The following RGS7 variants were observed in gnomAD, a reference collection of about 807,000 sequenced individuals.
RGS7 encodes regulator of G protein signaling 7.
In RGS7, 27 loss-of-function variants were observed where a neutral mutation model predicts 81.1. The observed-to-expected ratio is 0.33, with a 90% CI of 0.25 to 0.46. RGS7 has a LOEUF of 0.46. RGS7 is among the 20% of genes least tolerant of loss of function. The probability of loss-of-function intolerance (pLI) is 1.00; values close to 1 mark genes in which losing one functional copy is unlikely to be tolerated. For missense variants in RGS7, 396 were observed against 607.4 expected (o/e 0.65, Z 3.66); for synonymous variants, 208 against 207.7 (o/e 1.00, Z -0.01).
rs1299174280 is a variant in RGS7 at position 241,090,470 on chromosome 1, G to T, written c.175+8196C>A. Among the ~76,000 whole-genome samples, 7 of 152,030 alleles carry T rather than the reference G, an allele frequency of 4.6e-5. No homozygotes were observed. The South Asian group carries it at 1.5e-3, about 32-fold the overall frequency. ...AAGCGAAAATACTGTATACACAGTT[G>T]AATTTACTGGAGTTCAGAGAAAAGG... On this transcript the variant is annotated intron_variant, in intron 3 of 18. Coordinates refer to ENST00000440928, the MANE Select transcript of RGS7 (RefSeq NM_001364886.1).
chr1:240,953,402 C>T (rs1679872309), intron 4 of RGS7, among the ~76,000 whole-genome samples: 1 of 151,608 alleles, frequency 6.6e-6, no homozygotes, highest in African/African-American at 2.4e-5. Flanking sequence ...TTCTCAGATG[C>T]AAAGGAATTA....
rs1239652233 is a variant in RGS7, at chr1:241,271,925, GTGTGTGTA to G, written c.78+83766_78+83773del. Among the ~76,000 whole-genome samples, 40 of 117,728 alleles carry G rather than the reference GTGTGTGTA, an allele frequency of 3.4e-4. No homozygotes were observed. The highest frequency in any genetic ancestry group is 1.2e-3 in the African/African-American group (40 of 32,800). The allele number at this position is 117,728 out of a possible 152,430, so 77.2% of individuals were successfully genotyped here. A position where few individuals can be genotyped will look rare whatever the true frequency, so the allele number is the denominator to read the frequency against. On this transcript the variant is annotated intron_variant, in intron 2 of 18. Coordinates refer to ENST00000440928, the MANE Select transcript of RGS7 (RefSeq NM_001364886.1). This position sits in a 1 kb window ranked among gnomAD's most constrained non-coding sequence, Gnocchi z 4.6. ...TGTGTGTGTGTGTGTGTGTGTGTGT[GTGTGTGTA>G]GACACACTATTGGTTCTGTTTCTCT...
chr1:240,785,071 G>A (rs769882471), intron 18 of RGS7, among the ~76,000 whole-genome samples: 3 of 152,096 alleles, frequency 2.0e-5, no homozygotes, highest in Non-Finnish European at 2.9e-5. Context: ...CCAGGGATAG[G>A]CAGTGCTCTT....
At chr1:240,898,989 T>C (rs1386175943) in intron 6 of RGS7, among the ~76,000 whole-genome samples, 3 of 152,214 alleles carry the variant, frequency 2.0e-5, no homozygotes, top group Non-Finnish European at 2.9e-5. Context: ...CATATATATT[T>C]AGGATAGTTA....
At chr1:240,812,508 C>T (rs1033146177) in intron 13 of RGS7, among the ~76,000 whole-genome samples, 3 of 151,068 alleles carry the variant, frequency 2.0e-5, no homozygotes, top group Admixed American at 6.6e-5. Flanking sequence ...GATCTCGGCT[C>T]ACTGCAACCT....
chr1:240,798,635 C>T (rs1357085717), intron 18 of RGS7, among the ~76,000 whole-genome samples: 1 of 152,088 alleles, frequency 6.6e-6, no homozygotes, highest in Non-Finnish European at 1.5e-5. Context: ...TCCTTTGACC[C>T]TTTAAATTTC....
intron 3 of RGS7, among the ~76,000 whole-genome samples, chr1:241,087,490 A>G (rs762518323): frequency 1.3e-5 from 2 of 152,208 alleles, no homozygotes; most frequent in Non-Finnish European, 2.9e-5. Flanking sequence ...CTCTGATGTT[A>G]GATGCTCTTT....
At chr1:241,338,880 G>T (rs1314536559) in intron 2 of RGS7, among the ~76,000 whole-genome samples, 2 of 151,804 alleles carry the variant, frequency 1.3e-5, no homozygotes, top group Admixed American at 1.3e-4. Flanking sequence ...TTAGCAAATT[G>T]CCTTGCACAT....
intron 2 of RGS7, among the ~76,000 whole-genome samples, chr1:241,209,401 G>C (rs1328902367): frequency 1.3e-5 from 2 of 152,064 alleles, no homozygotes; most frequent in Non-Finnish European, 2.9e-5. Context: ...GAATGGATGG[G>C]GAGAATGTAA....
intron 9 of RGS7, among the ~76,000 whole-genome samples, chr1:240,856,613 T>C (rs1286518440): frequency 6.8e-6 from 1 of 147,912 alleles, no homozygotes; most frequent in Non-Finnish European, 1.5e-5. Context: ...TATCATATAC[T>C]TGTTTGTTTA....
chr1:241,177,183 G>A (rs2071216526), intron 2 of RGS7, among the ~76,000 whole-genome samples: 1 of 152,172 alleles, frequency 6.6e-6, no homozygotes, highest in Admixed American at 6.5e-5. Context: ...ATCAGATCAG[G>A]TCATAAAGTA....
At chr1:241,049,200 C>G (rs910412577) in intron 3 of RGS7, among the ~76,000 whole-genome samples, 1 of 152,164 alleles carries the variant, frequency 6.6e-6, no homozygotes, top group Non-Finnish European at 1.5e-5. Context: ...CAACCCATAA[C>G]ACTAAGATTG....
At chr1:241,302,750 G>GT (rs2079849075) in intron 2 of RGS7, among the ~76,000 whole-genome samples, 1 of 152,108 alleles carries the variant, frequency 6.6e-6, no homozygotes, top group Non-Finnish European at 1.5e-5. Flanking sequence ...GGTCATTACT[G>GT]TTTCATTTAC....
At chr1:241,265,177 C>T (rs2077522286) in intron 2 of RGS7, among the ~76,000 whole-genome samples, 3 of 152,218 alleles carry the variant, frequency 2.0e-5, no homozygotes. Context: ...TGTGGCTGTT[C>T]CTGCAGTGGC....
rs571947703 is a variant in RGS7, at chr1:241,223,645, A to G, written c.79-124883T>C. Among the ~76,000 whole-genome samples the G allele has an allele frequency of 2.1e-4, 32 of 152,188 alleles. No individual in the cohort carries two copies. The East Asian group carries it at 6.2e-3, about 29-fold the overall frequency. On this transcript the variant is annotated intron_variant, in intron 2 of 18. Transcript: ENST00000440928. ...CAAATATTGTAAAGTTTGTCACGTG[A>G]AAGAGGAATTAGCCTGTTCTCCCTT...
chr1:240,911,204 C>T (rs1671694785), intron 6 of RGS7, among the ~76,000 whole-genome samples: 1 of 152,126 alleles, frequency 6.6e-6, no homozygotes, highest in Non-Finnish European at 1.5e-5. Context: ...GCATCATTTA[C>T]ATCTTGCAGG....
intron 2 of RGS7, among the ~76,000 whole-genome samples, chr1:241,304,876 A>T (rs1349194452): frequency 1.3e-5 from 2 of 152,232 alleles, no homozygotes; most frequent in African/African-American, 2.4e-5. Context: ...TCAGCACTCT[A>T]TTATTGCCTA....
intron 2 of RGS7, among the ~76,000 whole-genome samples, chr1:241,301,362 G>C (rs1245514363): frequency 6.6e-6 from 1 of 152,222 alleles, no homozygotes; most frequent in Non-Finnish European, 1.5e-5. Context: ...CAAATTCCCT[G>C]CTTAGGTCAT....
chr1:241,135,039 T>G (rs574695085), intron 2 of RGS7, among the ~76,000 whole-genome samples: 2 of 152,266 alleles, frequency 1.3e-5, no homozygotes, highest in Non-Finnish European at 2.9e-5. Context: ...GGACATTTCC[T>G]GTTTACAGAG....
Sources: gnomAD v4.1 joint callset for allele counts (sites outside exome capture counted in the v4.1 genomes callset) on GRCh38, gnomAD v4.1.1 for gene constraint, Gnocchi (gnomAD v3.1) non-coding constraint, MANE v1.5 for transcripts, NCBI Gene and HGNC (gene_info 2026-07-23, HGNC 2026-07-21) for gene names.